The following ZNF407 variants were observed in gnomAD, a reference collection of about 807,000 sequenced individuals.
ZNF407 encodes zinc finger protein 407.
ZNF407 carries 17 observed loss-of-function variants against 131.2 expected under a neutral mutation model. The observed-to-expected ratio is 0.13, with a 90% CI of 0.09 to 0.19. The LOEUF is 0.19. ZNF407 is among the 10% of genes least tolerant of loss of function. The pLI is 1.00. For missense variants in ZNF407, 2,681 were observed against 2,830.6 expected, an observed-to-expected ratio of 0.95 and a Z score of 1.20; for synonymous variants, 1,156 against 1,062.0, an observed-to-expected ratio of 1.09 and a Z score of -1.72.
At chr18:74,877,509 A>G (rs1971175744) in intron 5 of ZNF407, 146 bp downstream of exon 5, 17 of 818,306 alleles carry the variant, frequency 2.1e-5, no homozygotes, top group African/African-American at 5.1e-5. Context: ...ATGTATTTAT[A>G]GGTATGGTAT....
At chr18:75,027,834 T>C (rs1304628835) in intron 8 of ZNF407, among the ~76,000 whole-genome samples, 1 of 152,062 alleles carries the variant, frequency 6.6e-6, no homozygotes, top group African/African-American at 2.4e-5. Context: ...AAGGAAACAG[T>C]GGGCTTCCAG....
At position 75,009,825 on chromosome 18, in the gene ZNF407, C is replaced by T. The variant is rs114364845; in HGVS notation, c.5429-53325C>T. On this transcript the variant is annotated intron_variant, in intron 8 of 8. Coordinates refer to ENST00000299687, the MANE Select transcript of ZNF407 (RefSeq NM_017757.3). Reference sequence around the variant, plus strand: ...CAGAACCCAAGTCTTAACCCCACTACACTACACTGCCAAGAAAATAGACAC... The same window carrying T: ...CAGAACCCAAGTCTTAACCCCACTATACTACACTGCCAAGAAAATAGACAC... Among the ~76,000 whole-genome samples the T allele has an allele frequency of 5.2e-3, 789 of 152,280 alleles. 12 individuals are homozygous for T. The highest frequency in any genetic ancestry group is 0.018 in the African/African-American group (745 of 41,562).
chr18:74,990,499 G>C (rs1342344166), intron 8 of ZNF407, among the ~76,000 whole-genome samples: 1 of 152,134 alleles, frequency 6.6e-6, no homozygotes, highest in Non-Finnish European at 1.5e-5. Context: ...AACTGTATAT[G>C]ACAACAGAAA....
chr18:75,003,924 A>C lies in ZNF407; in HGVS notation c.5429-59226A>C, dbSNP rs150998067. 3.2e-3 allele frequency among the ~76,000 whole-genome samples: 494 copies of C among 152,336 alleles called. 3 individuals are homozygous for C. The highest frequency in any genetic ancestry group is 0.012 in the African/African-American group (485 of 41,578). On this transcript the variant is annotated intron_variant, in intron 8 of 8. Transcript: ENST00000299687. ...GCTCTGGCCTGTAACACTTGAGCAA[A>C]TGGCAGCAGGGCAGCAAATGATACC... is the stretch of plus-strand genomic sequence containing the variant.
intron 4 of ZNF407, among the ~76,000 whole-genome samples, chr18:74,825,349 AG>A (rs1458258805): frequency 6.6e-6 from 1 of 152,140 alleles, no homozygotes; most frequent in Non-Finnish European, 1.5e-5. Flanking sequence ...CATGGCAATC[AG>A]GCAAGGGAAA....
chr18:74,732,747 G>A (rs1381349580), intron 3 of ZNF407, among the ~76,000 whole-genome samples: 4 of 152,064 alleles, frequency 2.6e-5, no homozygotes, highest in East Asian at 3.8e-4. Context: ...CCCCAAAATC[G>A]AAATAACTAA....
chr18:74,627,904 T>G (rs1021497493), intron 1 of ZNF407, among the ~76,000 whole-genome samples: 3 of 134,328 alleles, frequency 2.2e-5, no homozygotes, highest in Admixed American at 8.4e-5. Context: ...AGACAGGGTC[T>G]CACTCTGTTG....
chr18:74,933,557 T>C (rs1217114279), intron 8 of ZNF407, among the ~76,000 whole-genome samples: 1 of 152,238 alleles, frequency 6.6e-6, no homozygotes, highest in African/African-American at 2.4e-5. Flanking sequence ...AACTTTTATG[T>C]ATGGTTTACC....
intron 8 of ZNF407, among the ~76,000 whole-genome samples, chr18:74,969,228 C>T (rs933109937): frequency 6.6e-6 from 1 of 152,080 alleles, no homozygotes; most frequent in African/African-American, 2.4e-5. Context: ...AAATTCTTGT[C>T]GGCTTTCTCC....
chr18:74,977,490 A>G (rs949614805), intron 8 of ZNF407, among the ~76,000 whole-genome samples: 20 of 152,166 alleles, frequency 1.3e-4, no homozygotes, highest in Non-Finnish European at 1.5e-5. Flanking sequence ...TATCTCACAC[A>G]CGTTTTCACA....
At chr18:74,716,985 T>C (rs779276546) in intron 3 of ZNF407, among the ~76,000 whole-genome samples, 123 of 152,340 alleles carry the variant, frequency 8.1e-4, no homozygotes, top group Non-Finnish European at 1.2e-3. Flanking sequence ...GTGTAATGTG[T>C]TTATATACAG....
intron 1 of ZNF407, among the ~76,000 whole-genome samples, chr18:74,630,503 C>T (rs776479226): frequency 3.3e-5 from 5 of 152,132 alleles, no homozygotes; most frequent in Non-Finnish European, 7.4e-5. Flanking sequence ...GTTTCTTTTA[C>T]ATAGGACTTG....
At chr18:74,933,964 G>A (rs903345867) in intron 8 of ZNF407, among the ~76,000 whole-genome samples, 13 of 151,612 alleles carry the variant, frequency 8.6e-5, no homozygotes, top group African/African-American at 1.7e-4. Flanking sequence ...ATTTATCCTC[G>A]TAATCACTTA....
At chr18:74,649,526 TTTAAATA>T (rs1166919785) in intron 3 of ZNF407, among the ~76,000 whole-genome samples, 2 of 152,232 alleles carry the variant, frequency 1.3e-5, no homozygotes, top group Non-Finnish European at 2.9e-5. Flanking sequence ...TTGGAATGTG[TTTAAATA>T]TTAAAGACAT....
intron 4 of ZNF407, among the ~76,000 whole-genome samples, chr18:74,781,870 A>G (rs1178426999): frequency 6.6e-6 from 1 of 152,228 alleles, no homozygotes; most frequent in Non-Finnish European, 1.5e-5. Flanking sequence ...GTTTTAAAAT[A>G]ACAGTTTTGA....
At chr18:74,689,514 A>T (rs565378409) in intron 3 of ZNF407, among the ~76,000 whole-genome samples, 3 of 152,348 alleles carry the variant, frequency 2.0e-5, no homozygotes, top group African/African-American at 4.8e-5. Flanking sequence ...TGGCAATGCA[A>T]AGCAACTGTC....
intron 8 of ZNF407, among the ~76,000 whole-genome samples, chr18:74,975,717 A>G (rs779980215): frequency 6.6e-6 from 1 of 152,190 alleles, no homozygotes; most frequent in African/African-American, 2.4e-5. Context: ...ATACTAATGA[A>G]ACCCTGATTT....
intron 3 of ZNF407, among the ~76,000 whole-genome samples, chr18:74,762,300 CAT>C (rs1450208950): frequency 6.6e-6 from 1 of 152,050 alleles, no homozygotes; most frequent in Non-Finnish European, 1.5e-5. Flanking sequence ...AAAAAATAAA[CAT>C]ATATCTTACT....
At chr18:75,014,270 C>A (rs138730851) in intron 8 of ZNF407, among the ~76,000 whole-genome samples, 6 of 152,026 alleles carry the variant, frequency 3.9e-5, no homozygotes, top group Non-Finnish European at 8.8e-5. Context: ...ACCTGGTCAC[C>A]AATTTAATTT....
Sources: gnomAD v4.1 joint callset for allele counts (sites outside exome capture counted in the v4.1 genomes callset) on GRCh38, gnomAD v4.1.1 for gene constraint, MANE v1.5 for transcripts, NCBI Gene and HGNC (gene_info 2026-07-23, HGNC 2026-07-21) for gene names.